Variants in RBPJ observed in about 807,000 individuals in gnomAD.
RBPJ encodes recombining binding protein suppressor of hairless.
A neutral mutation model predicts 67.8 loss-of-function variants in RBPJ; 9 were observed. The ratio of observed to expected loss-of-function variants is 0.13; its 90% confidence interval spans 0.08 to 0.23. RBPJ has a LOEUF of 0.23. RBPJ is among the 10% of genes least tolerant of loss of function. RBPJ has a pLI of 1.00. For synonymous variants in RBPJ, 198 were observed against 203.3 expected (o/e 0.97, Z 0.22); for missense variants, 305 against 595.6 (o/e 0.51, Z 5.08).
intron 1 of RBPJ, among the ~76,000 whole-genome samples, chr4:26,289,707 G>T (rs1721605387): frequency 6.6e-6 from 1 of 150,656 alleles, no homozygotes; most frequent in Non-Finnish European, 1.5e-5. Context: ...GTAAACAGAG[G>T]ACACACCTCA....
At chr4:26,254,339 T>C (rs1720221300) in intron 1 of RBPJ, among the ~76,000 whole-genome samples, 1 of 149,052 alleles carries the variant, frequency 6.7e-6, no homozygotes, top group South Asian at 2.1e-4. Context: ...TGTACACGAC[T>C]ATCCCTCTTG....
chr4:26,270,437 G>GAAAGAAAGAAAGAAAGAAAGA (rs757127437), intron 1 of RBPJ, among the ~76,000 whole-genome samples: 5 of 30,250 alleles, frequency 1.7e-4, no homozygotes, highest in Admixed American at 1.6e-3. Flanking sequence ...AAGAAAGAAA[G>GAAAGAAAGAAAGAAAGAAAGA]AAGAAAGAAA....
At chr4:26,416,809 A>G (rs768062535) in intron 4 of RBPJ, among the ~76,000 whole-genome samples, 6 of 152,106 alleles carry the variant, frequency 3.9e-5, no homozygotes, top group Non-Finnish European at 8.8e-5. Flanking sequence ...AATTTTAGTG[A>G]TTTTACAGAT....
At chr4:26,402,954 G>GAT (rs1279021116) in intron 2 of RBPJ, among the ~76,000 whole-genome samples, 1 of 152,188 alleles carries the variant, frequency 6.6e-6, no homozygotes, top group African/African-American at 2.4e-5. Context: ...CAAAACAAAA[G>GAT]ATACATAGAG....
intron 1 of RBPJ, among the ~76,000 whole-genome samples, chr4:26,212,375 G>A (rs1487637528): frequency 1.3e-5 from 2 of 151,506 alleles, no homozygotes; most frequent in Non-Finnish European, 2.9e-5. Flanking sequence ...CTCAGAAACA[G>A]GCCTCAGAAA....
At chr4:26,279,364 T>A (rs1375413121) in intron 1 of RBPJ, among the ~76,000 whole-genome samples, 1 of 152,168 alleles carries the variant, frequency 6.6e-6, no homozygotes, top group Non-Finnish European at 1.5e-5. Flanking sequence ...CACTGCAACC[T>A]CCGCCTCCCA....
chr4:26,337,128 ATTTTT>A (rs59549393), intron 1 of RBPJ, among the ~76,000 whole-genome samples: 1 of 134,782 alleles, frequency 7.4e-6, no homozygotes, highest in African/African-American at 2.7e-5. Flanking sequence ...TGCCCAGCTA[ATTTTT>A]TTTTTTTTTT....
At chr4:26,115,946 TA>T in the RBPJ span, among the ~76,000 whole-genome samples, 32 of 149,454 alleles carry the variant, frequency 2.1e-4, no homozygotes, top group East Asian at 9.9e-4. Context: ...GGTGGTATGT[TA>T]AAAAAAAAAA....
intron 1 of RBPJ, among the ~76,000 whole-genome samples, chr4:26,168,477 C>G (rs1577428420): frequency 6.7e-6 from 1 of 150,344 alleles, no homozygotes; most frequent in Non-Finnish European, 1.5e-5. Context: ...TGTGGGTAAC[C>G]TGACCTTTCT....
At chr4:26,241,452 G>A (rs886445879) in intron 1 of RBPJ, among the ~76,000 whole-genome samples, 1 of 152,108 alleles carries the variant, frequency 6.6e-6, no homozygotes, top group African/African-American at 2.4e-5. Flanking sequence ...CATAAGGAAA[G>A]ACCATTCAGA....
intron 1 of RBPJ, among the ~76,000 whole-genome samples, chr4:26,226,844 C>T (rs78940240): frequency 0.15 from 23,100 of 152,132 alleles, 1,965 homozygotes; most frequent in Non-Finnish European, 0.19. Flanking sequence ...TGCAATAAAA[C>T]TGGTTTAATG....
chr4:26,416,373 T>C (rs1000692489), intron 4 of RBPJ, among the ~76,000 whole-genome samples: 25 of 152,242 alleles, frequency 1.6e-4, no homozygotes, highest in African/African-American at 6.0e-4. Context: ...ACCATAGGTG[T>C]GTGTCACTAT....
At chr4:26,165,312 T>A (rs1452107595) in intron 1 of RBPJ, among the ~76,000 whole-genome samples, 1 of 152,234 alleles carries the variant, frequency 6.6e-6, no homozygotes, top group Non-Finnish European at 1.5e-5. Context: ...TCTATGCTGA[T>A]GGTTCTTTAT....
intron 1 of RBPJ, among the ~76,000 whole-genome samples, chr4:26,217,406 G>T (rs1418422955): frequency 6.6e-6 from 1 of 152,106 alleles, no homozygotes; most frequent in Non-Finnish European, 1.5e-5. Flanking sequence ...TCATGTGGAG[G>T]TTTTAATGGC....
chr4:26,277,040 T>G (rs2063445), intron 1 of RBPJ, among the ~76,000 whole-genome samples: 9,677 of 151,776 alleles, frequency 0.064, 809 homozygotes, highest in African/African-American at 0.19. Context: ...CAGAGCTTTT[T>G]GAAGCTGAGG....
upstream of RBPJ, among the ~76,000 whole-genome samples, chr4:26,160,094 A>G (rs1002148016): frequency 1.1e-4 from 17 of 151,406 alleles, no homozygotes; most frequent in African/African-American, 4.1e-4. Flanking sequence ...AATTTTTTGT[A>G]TTTTTAGTAG....
intron 1 of RBPJ, among the ~76,000 whole-genome samples, chr4:26,274,847 T>G (rs1721026860): frequency 6.6e-6 from 1 of 151,758 alleles, no homozygotes; most frequent in Non-Finnish European, 1.5e-5. Flanking sequence ...AGCAGGAGAA[T>G]TGCTTGAACC....
chr4:26,250,983 G>A (rs1328151268), intron 1 of RBPJ, among the ~76,000 whole-genome samples: 1 of 152,188 alleles, frequency 6.6e-6, no homozygotes. Context: ...TCTTAAAGTG[G>A]AGTTTGAGGA....
chr4:26,184,456 T>C (rs1451834631), intron 1 of RBPJ, among the ~76,000 whole-genome samples: 3 of 152,122 alleles, frequency 2.0e-5, no homozygotes, highest in South Asian at 4.1e-4. Context: ...GGATTTTTGC[T>C]GAAGGCAGGC....
Sources: allele counts gnomAD v4.1 joint callset (sites outside exome capture counted in the v4.1 genomes callset), GRCh38; gene constraint gnomAD v4.1.1; transcripts MANE v1.5; gene names NCBI Gene and HGNC (gene_info 2026-07-23, HGNC 2026-07-21).